Variants in PTPRN2 observed in about 807,000 individuals in gnomAD.
The protein encoded by PTPRN2 is protein tyrosine phosphatase receptor type N2, also known as receptor-type tyrosine-protein phosphatase N2.
In PTPRN2, 74 loss-of-function variants were observed where a neutral mutation model predicts 118.8. That is an observed-to-expected ratio of 0.62 (90% CI 0.52 to 0.76). The LOEUF is 0.76. PTPRN2 is among the 30% of genes least tolerant of loss of function. The pLI, the probability that PTPRN2 is intolerant of heterozygous loss-of-function variation, is 0.00. For synonymous variants in PTPRN2, 641 were observed against 608.0 expected, an observed-to-expected ratio of 1.05 and a Z score of -0.80; for missense variants, 1,481 against 1,394.4, an observed-to-expected ratio of 1.06 and a Z score of -0.99.
intron 10 of PTPRN2, among the ~76,000 whole-genome samples, chr7:158,085,277 T>C (rs1342694353): frequency 5.8e-5 from 4 of 68,732 alleles, no homozygotes; most frequent in Admixed American, 1.7e-4. Context: ...TCCACACAGA[T>C]ACCCATCCAC....
At chr7:158,069,802 C>A (rs989783511) in intron 11 of PTPRN2, among the ~76,000 whole-genome samples, 10 of 152,244 alleles carry the variant, frequency 6.6e-5, no homozygotes, top group African/African-American at 9.6e-5. Context: ...CTTGAGTGAG[C>A]AATGGCAACC....
At chr7:157,925,672 A>G (rs1282867166) in intron 11 of PTPRN2, among the ~76,000 whole-genome samples, 1 of 151,982 alleles carries the variant, frequency 6.6e-6, no homozygotes, top group Non-Finnish European at 1.5e-5. Context: ...GCCGCTGGGG[A>G]CCCTGTTAAA....
intron 12 of PTPRN2, among the ~76,000 whole-genome samples, chr7:157,846,389 C>A (rs186077705): frequency 6.6e-6 from 1 of 152,108 alleles, no homozygotes; most frequent in Admixed American, 6.5e-5. Context: ...ATTATGAAAT[C>A]TCTCAGGCCT....
chr7:158,079,349 C>T (rs1009246689), intron 11 of PTPRN2, among the ~76,000 whole-genome samples: 1 of 152,200 alleles, frequency 6.6e-6, no homozygotes. Flanking sequence ...CAATATGAGA[C>T]TCAAATGTAC....
rs868103773 is a variant in PTPRN2, at chr7:157,596,706, C to G, written c.2419-1391G>C. Among the ~76,000 whole-genome samples the G allele has an allele frequency of 6.6e-6, 1 of 152,174 alleles. No individual in the cohort carries two copies. The highest frequency in any genetic ancestry group is 2.4e-5 in the African/African-American group (1 of 41,442). ...CTGCAGAGACCGACCCCCGGAGAGC[C>G]GGATGCTGCGCTGGGGGAACCTCAC... On this transcript the variant is annotated intron_variant, in intron 16 of 22. Coordinates refer to ENST00000389418, the MANE Select transcript of PTPRN2 (RefSeq NM_002847.5). This position sits in a 1 kb window ranked among gnomAD's most constrained non-coding sequence, Gnocchi z 4.2.
intron 11 of PTPRN2, among the ~76,000 whole-genome samples, chr7:157,970,372 G>A (rs1458948792): frequency 3.9e-5 from 6 of 152,196 alleles, no homozygotes; most frequent in Non-Finnish European, 5.9e-5. Context: ...CAGCAGAACC[G>A]GGGGACAGAG....
chr7:158,158,060 A>ATT (rs572206151), intron 6 of PTPRN2, among the ~76,000 whole-genome samples: 13,477 of 148,798 alleles, frequency 0.091, 646 homozygotes, highest in African/African-American at 0.11. Context: ...TTCTCTTCTA[A>ATT]TTTTTTTTTT....
rs145762455 is a variant in PTPRN2, at chr7:158,073,920, G to A, written c.1723+7378C>T. ...TCGTCCCCCAGGCCCACAGCCCAGC[G>A]GCATCTTCACCAGCAGACGCGGCTC... On this transcript the variant is annotated intron_variant, in intron 11 of 22. Transcript: ENST00000389418. Among the ~76,000 whole-genome samples the A allele has an allele frequency of 7.2e-5, 11 of 152,228 alleles. No homozygotes were observed. The East Asian group carries it at 1.2e-3, about 16-fold the overall frequency.
chr7:158,252,829 G>A (rs558223554), intron 3 of PTPRN2, among the ~76,000 whole-genome samples: 18 of 152,090 alleles, frequency 1.2e-4, no homozygotes, highest in African/African-American at 3.9e-4. Flanking sequence ...TCCCCAACAT[G>A]AGCCACCCCC....
At chr7:158,478,227 A>G (rs953981186) in intron 2 of PTPRN2, among the ~76,000 whole-genome samples, 1 of 152,228 alleles carries the variant, frequency 6.6e-6, no homozygotes, top group African/African-American at 2.4e-5. Flanking sequence ...TCTGGTCCCC[A>G]GGACCCAAAC....
chr7:158,197,403 G>T (rs1022583735), intron 4 of PTPRN2, among the ~76,000 whole-genome samples: 1 of 152,154 alleles, frequency 6.6e-6, no homozygotes, highest in South Asian at 2.1e-4. Flanking sequence ...TAATGGAATA[G>T]GTTTCCAGGT....
chr7:158,230,956 G>T (rs1029367956), intron 3 of PTPRN2, among the ~76,000 whole-genome samples: 1 of 152,156 alleles, frequency 6.6e-6, no homozygotes, highest in Non-Finnish European at 1.5e-5. Flanking sequence ...GATGGACATT[G>T]ACTGAAAGGA....
intron 3 of PTPRN2, among the ~76,000 whole-genome samples, chr7:158,249,031 C>T (rs548863693): frequency 3.7e-4 from 55 of 147,534 alleles, no homozygotes; most frequent in Middle Eastern, 7.2e-3. Flanking sequence ...CATAAACACA[C>T]GTGCACACAT....
At chr7:158,495,552 C>T (rs1341202242) in intron 1 of PTPRN2, among the ~76,000 whole-genome samples, 1 of 152,110 alleles carries the variant, frequency 6.6e-6, no homozygotes, top group Non-Finnish European at 1.5e-5. Flanking sequence ...TAGCTACCCC[C>T]CAATCTCAGC....
chr7:157,773,523 A>G (rs1441214967), intron 12 of PTPRN2, among the ~76,000 whole-genome samples: 2 of 152,194 alleles, frequency 1.3e-5, no homozygotes, highest in East Asian at 1.9e-4. Context: ...TTTCTCCATC[A>G]GCCCGCTGCG....
chr7:158,309,441 C>T (rs974470372), intron 3 of PTPRN2, among the ~76,000 whole-genome samples: 1 of 152,210 alleles, frequency 6.6e-6, no homozygotes, highest in African/African-American at 2.4e-5. Flanking sequence ...CCTTGCTCCT[C>T]AGGGCCTATT....
intron 12 of PTPRN2, among the ~76,000 whole-genome samples, chr7:157,722,052 A>C (rs1799269562): frequency 6.6e-6 from 1 of 152,138 alleles, no homozygotes; most frequent in Non-Finnish European, 1.5e-5. Context: ...GCAGCCACCA[A>C]CCAAGAAACA....
In PTPRN2 at chr7:157,999,379, C is replaced by G. The variant is rs143277870; in HGVS notation, c.1723+81919G>C. Among the ~76,000 whole-genome samples, 219 of 152,300 alleles carry G rather than the reference C, an allele frequency of 1.4e-3. 2 individuals are homozygous for G. Among genetic ancestry groups the G allele is most frequent in the East Asian group, 2.1e-3 (11 of 5,178 alleles). On this transcript the variant is annotated intron_variant, in intron 11 of 22. Transcript: ENST00000389418. Reference sequence around the variant, plus strand: ...TGAGCACCGTGTGCTGCCCGAATTTCTCACCAACCTCAGACGCTCTCGTTT... The same window carrying G: ...TGAGCACCGTGTGCTGCCCGAATTTGTCACCAACCTCAGACGCTCTCGTTT...
rs924744506 is a variant in PTPRN2, at chr7:157,629,030, G to A, written c.2197-7521C>T. ...GGTGGGAAGAGCACACCAGCATCCC[G>A]TGTGCATCTGATGCAGGACCCGCTC... On this transcript the variant is annotated intron_variant, in intron 14 of 22. Coordinates refer to ENST00000389418, the MANE Select transcript of PTPRN2 (RefSeq NM_002847.5). This position sits in a 1 kb window ranked among gnomAD's most constrained non-coding sequence, Gnocchi z 4.4. 1.3e-5 allele frequency among the ~76,000 whole-genome samples: 2 copies of A among 152,270 alleles called. No homozygotes were observed. The highest frequency in any genetic ancestry group is 1.5e-5 in the Non-Finnish European group (1 of 68,028).
Sources: gnomAD v4.1 joint callset for allele counts (sites outside exome capture counted in the v4.1 genomes callset) on GRCh38, gnomAD v4.1.1 for gene constraint, Gnocchi (gnomAD v3.1) non-coding constraint, MANE v1.5 for transcripts, NCBI Gene and HGNC (gene_info 2026-07-23, HGNC 2026-07-21) for gene names.